Variants in SORD observed in about 807,000 individuals in gnomAD.
SORD encodes the protein (R,R)-butanediol dehydrogenase.
Under a neutral mutation model 35.6 loss-of-function variants are expected in SORD, and 18 were observed. The observed-to-expected ratio is 0.51, with a 90% CI of 0.35 to 0.75. The LOEUF (loss-of-function observed/expected upper bound fraction) is 0.75, where lower values mean the gene tolerates loss of function less well. SORD is among the 30% of genes least tolerant of loss of function. The probability of loss-of-function intolerance (pLI) is 0.01; values close to 1 mark genes in which losing one functional copy is unlikely to be tolerated. For synonymous variants in SORD, 106 were observed against 152.9 expected, an observed-to-expected ratio of 0.69 and a Z score of 2.26; for missense variants, 250 against 390.2, an observed-to-expected ratio of 0.64 and a Z score of 3.03.
At chr15:45,057,824 G>T (rs745921874) in intron 3 of SORD, among the ~76,000 whole-genome samples, 1 of 152,144 alleles carries the variant, frequency 6.6e-6, no homozygotes, top group Non-Finnish European at 1.5e-5. Flanking sequence ...AAGATTCACT[G>T]GGCAGTGCTG....
intron 4 of SORD, among the ~76,000 whole-genome samples, chr15:45,061,707 A>G (rs1893312115): frequency 6.6e-6 from 1 of 151,920 alleles, no homozygotes. Flanking sequence ...CTCTACTAAA[A>G]AAATACAAAA....
chr15:45,041,258 C>T (rs1892961414), intron 2 of SORD, among the ~76,000 whole-genome samples: 1 of 152,122 alleles, frequency 6.6e-6, no homozygotes, highest in Admixed American at 6.5e-5. Flanking sequence ...GGGCAGATCC[C>T]TGCTGACAGC....
intron 3 of SORD, among the ~76,000 whole-genome samples, chr15:45,045,326 T>A (rs1425882381): frequency 2.6e-5 from 4 of 151,950 alleles, no homozygotes; most frequent in Non-Finnish European, 4.4e-5. Flanking sequence ...TCACTTGAGG[T>A]CAGGGGTTTG....
intron 5 of SORD, among the ~76,000 whole-genome samples, chr15:45,067,215 A>T (rs1321570559): frequency 6.6e-6 from 1 of 152,124 alleles, no homozygotes; most frequent in Non-Finnish European, 1.5e-5. Flanking sequence ...TACAAAAATT[A>T]GCCAGGCGTG....
intron 1 of SORD, among the ~76,000 whole-genome samples, chr15:45,035,460 A>T (rs1892848262): frequency 1.3e-5 from 2 of 150,968 alleles, no homozygotes; most frequent in Non-Finnish European, 2.9e-5. Flanking sequence ...GTATCTAGCT[A>T]ATCTGGGGGG....
At chr15:45,072,673 A>G (rs8026278) in intron 8 of SORD, among the ~76,000 whole-genome samples, 18,465 of 145,122 alleles carry the variant, frequency 0.13, 2,819 homozygotes, top group African/African-American at 0.26. Context: ...TTTGAAGCAT[A>G]GTCTTACTGA....
In SORD at chr15:45,073,606, T is replaced by G; in HGVS notation, c.*76T>G. On this transcript the variant is annotated 3_prime_UTR_variant, in exon 9 of 9. Transcript: ENST00000267814. Reference sequence around the variant, plus strand: ...ATGGCTGGACATGGGTGGGCTCTGATGCAGAACTTTCTCTTTTGAATGTTA... The same window carrying G: ...ATGGCTGGACATGGGTGGGCTCTGAGGCAGAACTTTCTCTTTTGAATGTTA... 6.8e-7 allele frequency: 1 copy of G among 1,468,384 alleles called. No individual in the cohort carries two copies. The allele number at this position is 1,468,384 out of a possible 1,614,324, so 91.0% of individuals were successfully genotyped here.
rs554965597 is a variant in SORD at position 45,072,373 on chromosome 15, C to T, written c.843C>T (p.Thr281=). The T allele has an allele frequency of 1.4e-4, 92 of 641,096 alleles. 1 individual carries two copies. The highest frequency in any genetic ancestry group is 1.2e-3 in the African/African-American group (69 of 58,380). 39.7% of individuals were successfully genotyped at this position (641,096 alleles called of 1,614,324 possible). A position where few individuals can be genotyped will look rare whatever the true frequency, so the allele number is the denominator to read the frequency against. Residue 281 remains threonine, a synonymous_variant, in exon 8 of 9, where the codon ACC becomes ACT. Coordinates refer to ENST00000267814, the MANE Select transcript of SORD (RefSeq NM_003104.6). Reference sequence around the variant, plus strand: ...TGGGGCTGGGCTCTGAGATGACCACCGTACCCCTACTGCATGCAGCCATCC... The same window carrying T: ...TGGGGCTGGGCTCTGAGATGACCACTGTACCCCTACTGCATGCAGCCATCC... ...VLVGLGSEMT[T]VPLLHAAIRE...
intron 7 of SORD, among the ~76,000 whole-genome samples, chr15:45,069,623 G>A (rs944123207): frequency 1.3e-5 from 2 of 152,078 alleles, no homozygotes; most frequent in Admixed American, 6.6e-5. Flanking sequence ...CACACACTTT[G>A]GGGATGGGGT....
rs753424622 is a variant in SORD at position 45,068,189 on chromosome 15, G to A, written c.553G>A (p.Gly185Arg). 5.4e-5 allele frequency: 87 copies of A among 1,613,502 alleles called. No homozygotes were observed. The highest frequency in any genetic ancestry group is 3.3e-4 in the Middle Eastern group (2 of 6,082). The part of the protein sequence containing the change: ...KVLVCGAGPI[G>R]MVTLLVAKAM... ...TCTTCTGCTTTGTTTAGGGCCAATC[G>A]GGATGGTCACTTTGCTCGTGGCCAA... Residue 185 changes from glycine to arginine, a missense_variant, in exon 6 of 9, where the codon GGG becomes AGG. Gly to Arg is a moderately radical substitution (Grantham distance 125). Coordinates refer to ENST00000267814, the MANE Select transcript of SORD (RefSeq NM_003104.6).
At chr15:45,038,700 A>C (rs1403807340) in intron 1 of SORD, among the ~76,000 whole-genome samples, 2 of 152,314 alleles carry the variant, frequency 1.3e-5, no homozygotes, top group East Asian at 3.9e-4. Context: ...TCTTGTTAGG[A>C]AAAGTAAAAA....
At chr15:45,029,348 T>G (rs768945649) in intron 1 of SORD, among the ~76,000 whole-genome samples, 3 of 139,612 alleles carry the variant, frequency 2.1e-5, no homozygotes, top group Non-Finnish European at 4.5e-5. Context: ...TGATGCAAGC[T>G]TTTTCTTGGC....
chr15:45,073,083 C>T (rs1323543145), intron 8 of SORD, among the ~76,000 whole-genome samples: 2 of 133,480 alleles, frequency 1.5e-5, no homozygotes, highest in Non-Finnish European at 3.0e-5. Flanking sequence ...CCAGTGGCCT[C>T]CACCATGTGC....
chr15:45,023,589 GT>G (rs1268257940), intron 1 of SORD, among the ~76,000 whole-genome samples: 1 of 152,244 alleles, frequency 6.6e-6, no homozygotes, highest in Admixed American at 6.5e-5. Context: ...CACGTGGCCG[GT>G]GCCCAGGACG....
intron 3 of SORD, chr15:45,058,558 T>A (rs1893253907): frequency 6.6e-6 from 1 of 152,066 alleles, no homozygotes; most frequent in African/African-American, 2.4e-5. Flanking sequence ...TTCTGACATA[T>A]CCCAGATGAC....
chr15:45,047,899 T>C (rs1306307686), intron 3 of SORD, among the ~76,000 whole-genome samples: 1 of 152,226 alleles, frequency 6.6e-6, no homozygotes, highest in Non-Finnish European at 1.5e-5. Flanking sequence ...CTGGTATGGG[T>C]CACTCCCCAG....
intron 1 of SORD, among the ~76,000 whole-genome samples, chr15:45,038,126 C>CCCTTCCTTCCTTCCTTCCTTCCTT (rs71114304): frequency 8.2e-6 from 1 of 122,244 alleles, no homozygotes; most frequent in African/African-American, 3.0e-5. Context: ...CTCGCATCCT[C>CCCTTCCTTCCTTCCTTCCTTCCTT]CCTTCCTTCC....
rs185841458 is a variant in SORD at position 45,037,983 on chromosome 15, G to A, written c.67-2425G>A. ...AAAGTAAAAAAAAAAAAAAATCCAC[G>A]TGGTATAACAGAAGGATCACTTTAC... is the stretch of plus-strand genomic sequence containing the variant. On this transcript the variant is annotated intron_variant, in intron 1 of 8. Coordinates refer to ENST00000267814, the MANE Select transcript of SORD (RefSeq NM_003104.6). 2.8e-4 allele frequency among the ~76,000 whole-genome samples: 42 copies of A among 151,756 alleles called. No homozygotes were observed. In the South Asian group the frequency reaches 3.3e-3, roughly 12 times the overall value.
intron 3 of SORD, among the ~76,000 whole-genome samples, chr15:45,053,426 A>G (rs1451025038): frequency 6.6e-6 from 1 of 152,164 alleles, no homozygotes; most frequent in Non-Finnish European, 1.5e-5. Flanking sequence ...CTGAGAGACA[A>G]CTTGACGTTG....
Sources: allele counts gnomAD v4.1 joint callset (sites outside exome capture counted in the v4.1 genomes callset), GRCh38; gene constraint gnomAD v4.1.1; transcripts MANE v1.5; gene names NCBI Gene and HGNC (gene_info 2026-07-23, HGNC 2026-07-21).